COL22A1: variants seen among roughly 807,000 people sequenced by gnomAD.
COL22A1 encodes the protein collagen alpha-1(XXII) chain.
Under a neutral mutation model 248.9 loss-of-function variants are expected in COL22A1, and 221 were observed. The ratio of observed to expected loss-of-function variants is 0.89; its 90% CI spans 0.80 to 0.99. The LOEUF (loss-of-function observed/expected upper bound fraction) is 0.99, where lower values mean the gene tolerates loss of function less well. Ranked by LOEUF, COL22A1 falls within the 50% of genes least tolerant of loss-of-function variation. The probability of loss-of-function intolerance (pLI) is 0.00; values close to 1 mark genes in which losing one functional copy is unlikely to be tolerated. For synonymous variants in COL22A1, 891 were observed against 793.4 expected, an observed-to-expected ratio of 1.12 and a Z score of -2.07; for missense variants, 2,240 against 2,179.0, an observed-to-expected ratio of 1.03 and a Z score of -0.56.
chr8:138,766,336 G>A (rs1329890564), intron 16 of COL22A1, among the ~76,000 whole-genome samples: 2 of 152,178 alleles, frequency 1.3e-5, no homozygotes, highest in African/African-American at 4.8e-5. Context: ...TGACAGAGGA[G>A]CGAGGTGGAC....
chr8:138,717,438 C>T lies in COL22A1; in HGVS notation c.2356-569G>A, dbSNP rs749904501. ...CTGGGATTACAGGAGTGAGCCACTG[C>T]GCCCGGCCAGAATTTATTTTTTTAT... On this transcript the variant is annotated intron_variant, in intron 27 of 64. Transcript: ENST00000303045. Among the ~76,000 whole-genome samples the T allele has an allele frequency of 5.9e-5, 9 of 152,186 alleles. No individual in the cohort carries two copies. The Middle Eastern group carries it at 0.017, about 290-fold the overall frequency.
At chr8:138,825,149 G>A (rs1819483811) in intron 6 of COL22A1, among the ~76,000 whole-genome samples, 1 of 152,178 alleles carries the variant, frequency 6.6e-6, no homozygotes, top group Admixed American at 6.5e-5. Flanking sequence ...AGATGGAGTT[G>A]GATGGGAATG....
intron 23 of COL22A1, among the ~76,000 whole-genome samples, chr8:138,737,301 A>G (rs545263243): frequency 2.0e-5 from 3 of 152,266 alleles, no homozygotes; most frequent in East Asian, 3.9e-4. Flanking sequence ...ATCTGCCTCC[A>G]GATGGAAATT....
chr8:138,694,599 CCTGGTT>C (rs1281336181), intron 33 of COL22A1, 38 bp from the exon 34 acceptor site: 2 of 1,607,716 alleles, frequency 1.2e-6, no homozygotes, highest in Non-Finnish European at 1.7e-6. Flanking sequence ...AGCTCATCCT[CCTGGTT>C]CTGAGCAGAT....
chr8:138,614,917 C>T (rs1819189617), intron 55 of COL22A1, among the ~76,000 whole-genome samples: 8 of 152,226 alleles, frequency 5.3e-5, no homozygotes, highest in Admixed American at 5.2e-4. Context: ...TCAAGAGCCA[C>T]TGGGGAAGAG....
intron 46 of COL22A1, among the ~76,000 whole-genome samples, chr8:138,649,341 T>C (rs1564142332): frequency 6.6e-6 from 1 of 152,148 alleles, no homozygotes; most frequent in African/African-American, 2.4e-5. Context: ...ACATAGTAGA[T>C]AGGCAAAAGT....
Position 138,680,299 on chromosome 8 carries a change from G to A in COL22A1, c.3013-623C>T, listed in dbSNP as rs558078785. Among the ~76,000 whole-genome samples the A allele has an allele frequency of 5.3e-5, 8 of 152,252 alleles. No individual in the cohort carries two copies. The East Asian group carries it at 5.8e-4, about 11-fold the overall frequency. On this transcript the variant is annotated intron_variant, in intron 39 of 64. Coordinates refer to ENST00000303045, the MANE Select transcript of COL22A1 (RefSeq NM_152888.3). The stretch of plus-strand genomic sequence containing the variant: ...TGTCATAAGATCATAGATCTCCTGA[G>A]GAGCCCTGTAGGGGTTAAACACTCT...
At chr8:138,647,234 TG>T in intron 46 of COL22A1, among the ~76,000 whole-genome samples, 1 of 151,980 alleles carries the variant, frequency 6.6e-6, no homozygotes, top group South Asian at 2.1e-4. Flanking sequence ...GCCACAAGAG[TG>T]AACCTGGATG....
rs186399630 is a variant in COL22A1 at position 138,832,256 on chromosome 8, G to A, written c.845+783C>T. Among the ~76,000 whole-genome samples the A allele has an allele frequency of 5.3e-3, 814 of 152,238 alleles. 9 individuals are homozygous for A. Among genetic ancestry groups the A allele is most frequent in the African/African-American group, 0.019 (770 of 41,540 alleles). On this transcript the variant is annotated intron_variant, in intron 5 of 64. Coordinates refer to ENST00000303045, the MANE Select transcript of COL22A1 (RefSeq NM_152888.3). ...AGCCCTTGGGGCTGCTCTGTCTCTG[G>A]AGTGGCCATTCTTTCATTTTTTTAC... is the stretch of plus-strand genomic sequence containing the variant.
intron 3 of COL22A1, among the ~76,000 whole-genome samples, chr8:138,864,430 G>C (rs1041420818): frequency 1.4e-4 from 22 of 151,854 alleles, no homozygotes; most frequent in African/African-American, 4.8e-4. Context: ...CCGCGGACTG[G>C]GGCTGGGAGC....
At chr8:138,847,132 C>T (rs1001514797) in intron 3 of COL22A1, among the ~76,000 whole-genome samples, 5 of 152,226 alleles carry the variant, frequency 3.3e-5, no homozygotes, top group African/African-American at 9.6e-5. Context: ...GCATGTCTGT[C>T]TCCCCAGGGA....
At chr8:138,715,295 T>C (rs1277042140) in intron 30 of COL22A1, among the ~76,000 whole-genome samples, 3 of 152,152 alleles carry the variant, frequency 2.0e-5, no homozygotes, top group East Asian at 1.9e-4. Flanking sequence ...TGGTGTCTCA[T>C]GCCTGTAATC....
In COL22A1 at chr8:138,798,195, T is replaced by C. The variant is rs1438264518; in HGVS notation, c.1558-1338A>G. ...TAAAGTATGTCTTCTATAGACAGGA[T>C]ATAGTTTGATCTTGTTATTATAAAC... On this transcript the variant is annotated intron_variant, in intron 11 of 64. Transcript: ENST00000303045. Among the ~76,000 whole-genome samples the C allele has an allele frequency of 2.0e-5, 3 of 151,788 alleles. No individual in the cohort carries two copies. The East Asian group carries it at 5.8e-4, about 29-fold the overall frequency.
intron 12 of COL22A1, among the ~76,000 whole-genome samples, chr8:138,789,571 G>A (rs1815851201): frequency 6.6e-6 from 1 of 152,196 alleles, no homozygotes; most frequent in Admixed American, 6.5e-5. Flanking sequence ...CTGGTTCAGA[G>A]GCTCTATAAT....
intron 43 of COL22A1, among the ~76,000 whole-genome samples, chr8:138,660,859 G>GACAC (rs1823794863): frequency 3.9e-5 from 1 of 25,838 alleles, no homozygotes; most frequent in African/African-American, 1.0e-4. Context: ...CACATACACA[G>GACAC]ACACACAAAC....
intron 4 of COL22A1, among the ~76,000 whole-genome samples, chr8:138,837,799 T>G (rs1239181625): frequency 6.6e-6 from 1 of 152,062 alleles, no homozygotes. Context: ...CTGCTTAGGA[T>G]TAGATGTTGT....
At chr8:138,594,256 G>A (rs1817335641) in intron 62 of COL22A1, 57 bp from the exon 63 acceptor site, 2 of 1,469,294 alleles carry the variant, frequency 1.4e-6, no homozygotes, top group African/African-American at 3.0e-5. Context: ...ACATAGGACA[G>A]GATGGCTACT....
chr8:138,689,982 T>C (rs565630676), intron 36 of COL22A1, among the ~76,000 whole-genome samples: 1 of 152,272 alleles, frequency 6.6e-6, no homozygotes, highest in Non-Finnish European at 1.5e-5. Flanking sequence ...AGCCTCCATG[T>C]AAAATAATAA....
At chr8:138,615,977 C>T (rs1175108858) in intron 55 of COL22A1, 24 bp downstream of exon 55, 2 of 1,597,250 alleles carry the variant, frequency 1.3e-6, no homozygotes, top group Non-Finnish European at 1.7e-6. Flanking sequence ...CCAGCCCAGC[C>T]AGGTCCCACA....
Sources: gnomAD v4.1 joint callset for allele counts (sites outside exome capture counted in the v4.1 genomes callset) on GRCh38, gnomAD v4.1.1 for gene constraint, MANE v1.5 for transcripts, NCBI Gene and HGNC (gene_info 2026-07-23, HGNC 2026-07-21) for gene names.